Variants in DDX6 observed in about 807,000 individuals in gnomAD.
DDX6 encodes the protein probable ATP-dependent RNA helicase DDX6.
In DDX6, 7 loss-of-function variants were observed where a neutral mutation model predicts 60.6. The observed-to-expected ratio is 0.12, with a 90% CI of 0.07 to 0.22. DDX6 has a LOEUF of 0.22. Ranked by LOEUF, DDX6 falls within the 10% of genes least tolerant of loss-of-function variation. The pLI, the probability that DDX6 is intolerant of heterozygous loss-of-function variation, is 1.00. For missense variants in DDX6, 270 were observed against 589.9 expected, an observed-to-expected ratio of 0.46 and a Z score of 5.62; for synonymous variants, 207 against 201.0, an observed-to-expected ratio of 1.03 and a Z score of -0.25.
Position 118,779,671 on chromosome 11 carries a change from T to C in DDX6, c.330A>G (p.Gly110=), listed in dbSNP as rs1555164278. The change falls in exon 4 of 14, where the codon GGA becomes GGG. Residue 110 remains glycine, a synonymous_variant. Coordinates refer to ENST00000534980, the MANE Select transcript of DDX6 (RefSeq NM_004397.6). The part of the protein sequence containing the change: ...DYCLKRELLM[G]IFEMGWEKPS... ...GCTTTTCCCAGCCCATTTCAAAAAT[T>C]CCCATCAGTAACTCCCGTTTCAAAC... 1.2e-6 allele frequency: 2 copies of C among 1,612,282 alleles called. No homozygotes were observed. Among genetic ancestry groups the C allele is most frequent in the East Asian group, 2.2e-5 (1 of 44,856 alleles).
chr11:118,777,985 C>T (rs1555163970), intron 4 of DDX6, among the ~76,000 whole-genome samples: 1 of 145,862 alleles, frequency 6.9e-6, no homozygotes, highest in East Asian at 2.0e-4. Flanking sequence ...AAAGAGCTTA[C>T]ATTGGCCAGA....
intron 4 of DDX6, among the ~76,000 whole-genome samples, chr11:118,779,211 A>C (rs1443915773): frequency 6.6e-6 from 1 of 151,746 alleles, no homozygotes; most frequent in Non-Finnish European, 1.5e-5. Flanking sequence ...TGTATTTTTA[A>C]TATGCTGATG....
chr11:118,758,855 T>C lies in DDX6; in HGVS notation c.912A>G (p.Leu304=). The change falls in exon 9 of 14, where the codon CTA becomes CTG. Residue 304 remains leucine, a synonymous_variant. Transcript: ENST00000534980. Reference sequence around the variant, plus strand: ...AGTACTGGGTTACTCCCTTCAGAGTTAGTTCCTCCATCAGGTTAATCTCAT... The same window carrying C: ...AGTACTGGGTTACTCCCTTCAGAGTCAGTTCCTCCATCAGGTTAATCTCAT... ...KPYEINLMEE[L]TLKGVTQYYA... is the part of the protein sequence containing the mutation. The C allele has an allele frequency of 6.2e-7, 1 of 1,613,928 alleles. No individual in the cohort carries two copies. Among genetic ancestry groups the C allele is most frequent in the Non-Finnish European group, 8.5e-7 (1 of 1,179,866 alleles).
chr11:118,753,384 G>C (rs1302458188), intron 13 of DDX6, among the ~76,000 whole-genome samples: 2 of 136,628 alleles, frequency 1.5e-5, no homozygotes, highest in African/African-American at 5.6e-5. Flanking sequence ...TTGTCACCCA[G>C]GCTGGAGTGC....
chr11:118,780,463 C>T (rs1354402650), intron 3 of DDX6, among the ~76,000 whole-genome samples: 1 of 152,092 alleles, frequency 6.6e-6, no homozygotes, highest in African/African-American at 2.4e-5. Context: ...ATTACAGGCG[C>T]ACGCCACCAC....
At chr11:118,763,588 C>T (rs1185110974) in intron 6 of DDX6, among the ~76,000 whole-genome samples, 2 of 152,070 alleles carry the variant, frequency 1.3e-5, no homozygotes, top group African/African-American at 4.8e-5. Flanking sequence ...AATCCCAGTA[C>T]TTTGGGAGGC....
At chr11:118,752,717 G>A (rs1417249256) in intron 13 of DDX6, among the ~76,000 whole-genome samples, 1 of 152,048 alleles carries the variant, frequency 6.6e-6, no homozygotes, top group Admixed American at 6.6e-5. Context: ...ATTTTCTTTA[G>A]GAAATACTGA....
intron 2 of DDX6, among the ~76,000 whole-genome samples, chr11:118,783,826 T>TAAAAAAAAAAAA (rs1591925039): frequency 9.0e-5 from 5 of 55,494 alleles, no homozygotes; most frequent in East Asian, 1.3e-3. Context: ...AAAAAAAAAT[T>TAAAAAAAAAAAA]AAAAATAGGC....
chr11:118,765,378 A>G (rs372941861), intron 5 of DDX6, 23 bp from the exon 6 acceptor site: 30 of 1,612,814 alleles, frequency 1.9e-5, no homozygotes, highest in East Asian at 6.7e-5. Flanking sequence ...CAAGGAATAT[A>G]TAAGAAAATA....
chr11:118,782,050 C>G (rs782171688), intron 2 of DDX6, among the ~76,000 whole-genome samples: 2 of 150,136 alleles, frequency 1.3e-5, no homozygotes, highest in Non-Finnish European at 1.5e-5. Flanking sequence ...CACTCTCTAC[C>G]AAAAATACAA....
At chr11:118,791,277 C>A (rs1344767346), upstream of DDX6, 1 of 152,240 alleles carries the variant, frequency 6.6e-6, no homozygotes, top group African/African-American at 2.4e-5. Flanking sequence ...GAAACCTCGG[C>A]CGCCGCGGCT....
chr11:118,754,712 T>C lies in DDX6; in HGVS notation c.1452A>G (p.Ter484=). The change falls in exon 13 of 14, where the codon TAA becomes TAG. Residue 484 remains the stop codon, a stop_retained_variant. Coordinates refer to ENST00000534980, the MANE Select transcript of DDX6 (RefSeq NM_004397.6). The part of the protein sequence containing the change: ...HSEPVEDEKP[*] ...GTTCTGTCAGGGACGTACATGCTTG[T>C]TAAGGTTTCTCATCTTCTACAGGCT... 2 of 1,604,866 alleles carry C rather than the reference T, an allele frequency of 1.2e-6. No homozygotes were observed. Among genetic ancestry groups the C allele is most frequent in the Non-Finnish European group, 1.7e-6 (2 of 1,177,442 alleles).
At chr11:118,770,484 C>G (rs1054056721) in intron 4 of DDX6, among the ~76,000 whole-genome samples, 1 of 152,082 alleles carries the variant, frequency 6.6e-6, no homozygotes, top group African/African-American at 2.4e-5. Context: ...ACTAAATAAG[C>G]AGGATGACTT....
chr11:118,759,122 C>G lies in DDX6; in HGVS notation c.865-220G>C, dbSNP rs1042464842. 79 of 472,366 alleles carry G rather than the reference C, an allele frequency of 1.7e-4. No individual in the cohort carries two copies. In the South Asian group the frequency reaches 1.9e-3, roughly 11 times the overall value. 29.3% of individuals were successfully genotyped at this position (472,366 alleles called of 1,614,324 possible). A position where few individuals can be genotyped will look rare whatever the true frequency, so the allele number is the denominator to read the frequency against. On this transcript the variant is annotated intron_variant, in intron 8 of 13. Transcript: ENST00000534980. ...TCACCCAGGCTGGAGTGTAGTGGCA[C>G]GATCTCTGCTCCCTGCAACCTCCAC...
rs77639826 is a variant in DDX6, at chr11:118,785,565, G to C, written c.200+487C>G. Among the ~76,000 whole-genome samples the C allele has an allele frequency of 7.3e-5, 11 of 151,272 alleles. No homozygotes were observed. The East Asian group carries it at 1.9e-3, about 27-fold the overall frequency. ...TTCCATAAGCTAAAAAAAGTTACGA[G>C]AAAATTTTCTGAGTGAATAATGCTT... On this transcript the variant is annotated intron_variant, in intron 2 of 13. Coordinates refer to ENST00000534980, the MANE Select transcript of DDX6 (RefSeq NM_004397.6).
chr11:118,755,031 C>T, intron 12 of DDX6, 144 bp from the exon 13 acceptor site: 3 of 761,754 alleles, frequency 3.9e-6, no homozygotes, highest in Non-Finnish European at 4.1e-6. Flanking sequence ...TCTTAATGGT[C>T]TTCAAACACA....
chr11:118,756,860 A>G (rs1860996182), intron 10 of DDX6, among the ~76,000 whole-genome samples: 1 of 150,482 alleles, frequency 6.6e-6, no homozygotes, highest in Non-Finnish European at 1.5e-5. Flanking sequence ...TATTTACTGT[A>G]TTAAACAGAG....
At chr11:118,752,953 G>C (rs1292564391) in intron 13 of DDX6, among the ~76,000 whole-genome samples, 1 of 152,108 alleles carries the variant, frequency 6.6e-6, no homozygotes, top group Admixed American at 6.6e-5. Flanking sequence ...GGGAAGACAG[G>C]TTGTCCAGGA....
At chr11:118,774,880 C>CTT (rs1381194490) in intron 4 of DDX6, among the ~76,000 whole-genome samples, 15 of 151,980 alleles carry the variant, frequency 9.9e-5, no homozygotes, top group Admixed American at 8.5e-4. Flanking sequence ...AGAAGAGATA[C>CTT]TTTTAGGAAT....
Sources: gnomAD v4.1 joint callset for allele counts (sites outside exome capture counted in the v4.1 genomes callset) on GRCh38, gnomAD v4.1.1 for gene constraint, MANE v1.5 for transcripts, NCBI Gene and HGNC (gene_info 2026-07-23, HGNC 2026-07-21) for gene names.